The following NHERF2 variants were observed in gnomAD, a reference collection of about 807,000 sequenced individuals.
NHERF2 encodes NHERF family PDZ scaffold protein 2, also known as Na(+)/H(+) exchange regulatory cofactor NHE-RF2.
the NHERF2 span, chr16:2,033,248 G>A: frequency 1.3e-6 from 2 of 1,520,214 alleles, no homozygotes; most frequent in South Asian, 1.2e-5. Flanking sequence ...GGGGAGCCAG[G>A]GCCGCAGAGG....
At chr16:2,037,417 C>A in the NHERF2 span, 2 of 961,176 alleles carry the variant, frequency 2.1e-6, no homozygotes, top group Non-Finnish European at 3.2e-6. Context: ...CCACCAGAGG[C>A]CCGAGGCCCC....
the NHERF2 span, chr16:2,033,565 GC>G: frequency 1.0e-6 from 1 of 957,306 alleles, no homozygotes; most frequent in Non-Finnish European, 1.5e-6. Context: ...GCCTTTCTCT[GC>G]CAGGGCTGGT....
At chr16:2,036,559 G>C in the NHERF2 span, 3 of 1,536,202 alleles carry the variant, frequency 2.0e-6, no homozygotes, top group Non-Finnish European at 2.6e-6. Context: ...TCCACACTGG[G>C]GCCCTGGGTC....
the NHERF2 span, chr16:2,033,242 A>G: frequency 6.6e-7 from 1 of 1,515,308 alleles, no homozygotes. Context: ...ATCCCCGGGG[A>G]GCCAGGGCCG....
At chr16:2,037,029 G>A in the NHERF2 span, 1 of 1,548,350 alleles carries the variant, frequency 6.5e-7, no homozygotes, top group Non-Finnish European at 8.7e-7. Flanking sequence ...TGAGACACAG[G>A]GTGCCTCTGG....
chr16:2,038,753 C>T, the NHERF2 span: 6 of 175,460 alleles, frequency 3.4e-5, no homozygotes, highest in African/African-American at 7.2e-5. Context: ...GGAGGCCCCA[C>T]GTCCCCGAGG....
At chr16:2,036,225 G>C in the NHERF2 span, 1 of 1,257,256 alleles carries the variant, frequency 8.0e-7, no homozygotes, top group Non-Finnish European at 1.1e-6. Flanking sequence ...CCCGTGGGGG[G>C]CACGGTACCG....
At chr16:2,033,441 G>A in the NHERF2 span, 15 of 1,518,166 alleles carry the variant, frequency 9.9e-6, no homozygotes, top group Non-Finnish European at 1.3e-5. Flanking sequence ...AGGTCAGGTG[G>A]GGTGGGAGGA....
At chr16:2,038,970 T>C in the NHERF2 span, 1 of 152,790 alleles carries the variant, frequency 6.5e-6, no homozygotes, top group African/African-American at 2.4e-5. Context: ...GGCACCGCTG[T>C]TGCCTCGTAA....
At chr16:2,035,994 CCAA>C in the NHERF2 span, 1 of 315,506 alleles carries the variant, frequency 3.2e-6, no homozygotes, top group Non-Finnish European at 5.8e-6. Context: ...CCCCAGGAGG[CCAA>C]CGGCGACAGT....
the NHERF2 span, chr16:2,037,580 G>A: frequency 6.2e-7 from 1 of 1,612,874 alleles, no homozygotes; most frequent in South Asian, 1.1e-5. Flanking sequence ...TGACCTGCCT[G>A]GTTCCGACAA....
the NHERF2 span, among the ~76,000 whole-genome samples, chr16:2,030,033 A>G: frequency 2.0e-5 from 3 of 152,166 alleles, no homozygotes; most frequent in Admixed American, 2.0e-4. Context: ...CTCCAGAGCC[A>G]CTTGCCCTAT....
the NHERF2 span, chr16:2,038,372 CCA>C: frequency 4.4e-6 from 2 of 451,108 alleles, no homozygotes; most frequent in Non-Finnish European, 8.7e-6. Flanking sequence ...ATCTCCAGCT[CCA>C]CACATGTTTC....
the NHERF2 span, chr16:2,035,765 C>T: frequency 1.2e-6 from 1 of 804,094 alleles, no homozygotes; most frequent in Non-Finnish European, 1.5e-6. Flanking sequence ...TGTGCCCTGT[C>T]CACACTAAGC....
At chr16:2,033,337 C>G in the NHERF2 span, 1 of 1,533,142 alleles carries the variant, frequency 6.5e-7, no homozygotes, top group Non-Finnish European at 8.7e-7. Context: ...CACTTGCTGT[C>G]ACTGTGCCGC....
At chr16:2,029,930 G>C in the NHERF2 span, 1 of 693,316 alleles carries the variant, frequency 1.4e-6, no homozygotes, top group Non-Finnish European at 2.4e-6. Flanking sequence ...GGACCATCTT[G>C]TTGGCCACTG....
At chr16:2,027,352 G>A in the NHERF2 span, 2 of 465,060 alleles carry the variant, frequency 4.3e-6, no homozygotes, top group South Asian at 8.2e-5. Context: ...GCAGCGGCCC[G>A]GCGCCTTCGG....
At chr16:2,029,199 G>A in the NHERF2 span, among the ~76,000 whole-genome samples, 8 of 152,302 alleles carry the variant, frequency 5.3e-5, no homozygotes, top group East Asian at 5.8e-4. Flanking sequence ...GGATGCATGC[G>A]CGCACAGGGA....
chr16:2,028,121 G>T, the NHERF2 span, among the ~76,000 whole-genome samples: 1 of 152,194 alleles, frequency 6.6e-6, no homozygotes, highest in East Asian at 1.9e-4. Context: ...TTTTCCTCCA[G>T]GTCCCCTGTC....
Sources: gnomAD v4.1 joint callset for allele counts (sites outside exome capture counted in the v4.1 genomes callset) on GRCh38, gnomAD v4.1.1 for gene constraint, MANE v1.5 for transcripts, NCBI Gene and HGNC (gene_info 2026-07-23, HGNC 2026-07-21) for gene names.